ARIH2: variants seen among roughly 807,000 people sequenced by gnomAD.
The protein encoded by ARIH2 is E3 ubiquitin-protein ligase ARIH2.
In ARIH2, 12 loss-of-function variants were observed where a neutral mutation model predicts 79.8. That is an observed-to-expected ratio of 0.15 (90% CI 0.10 to 0.24). The LOEUF (loss-of-function observed/expected upper bound fraction) is 0.24. Among genes scored for constraint, ARIH2 ranks in the 10% least tolerant of loss-of-function variants. ARIH2 has a pLI of 1.00. For missense variants in ARIH2, 301 were observed against 618.3 expected (o/e 0.49, Z 5.44); for synonymous variants, 224 against 213.9 (o/e 1.05, Z -0.41).
At position 48,970,670 on chromosome 3, in the gene ARIH2, C is replaced by T; in HGVS notation, c.736C>T (p.Arg246Ter). The change falls in exon 8 of 16, where the codon CGA becomes TGA. Residue 246 changes from arginine (R) to a stop codon, truncating the protein, a stop_gained. Transcript: ENST00000356401. LOFTEE classifies it high-confidence loss of function. Reference sequence around the variant, plus strand: ...TCGGGTACAGGAGCCTAGAGCTCGCCGAGTACAGTGCAATCGGTGCAACGA... The same window carrying T: ...TCGGGTACAGGAGCCTAGAGCTCGCTGAGTACAGTGCAATCGGTGCAACGA... ...VIRVQEPRAR[R>*]VQCNRCNEVF... The T allele has an allele frequency of 1.9e-6, 3 of 1,613,990 alleles. No homozygotes were observed. The highest frequency in any genetic ancestry group is 2.5e-6 in the Non-Finnish European group (3 of 1,179,910).
At chr3:48,920,255 A>G (rs947294855) in intron 1 of ARIH2, among the ~76,000 whole-genome samples, 1 of 152,082 alleles carries the variant, frequency 6.6e-6, no homozygotes, top group Non-Finnish European at 1.5e-5. Context: ...TGCTGGGATT[A>G]CAGGCGTGAG....
chr3:48,972,127 G>A (rs2092273204), intron 8 of ARIH2, among the ~76,000 whole-genome samples: 1 of 152,180 alleles, frequency 6.6e-6, no homozygotes, highest in Admixed American at 6.5e-5. Flanking sequence ...CTGAGCTAAG[G>A]AGTCCTTCTC....
chr3:48,933,231 C>T (rs2086617947), intron 3 of ARIH2, among the ~76,000 whole-genome samples: 1 of 139,912 alleles, frequency 7.1e-6, no homozygotes, highest in African/African-American at 2.7e-5. Flanking sequence ...GCACCACATG[C>T]CCGGGTGTGT....
At chr3:48,952,334 T>G (rs1356117037) in intron 3 of ARIH2, among the ~76,000 whole-genome samples, 1 of 152,168 alleles carries the variant, frequency 6.6e-6, no homozygotes, top group Non-Finnish European at 1.5e-5. Flanking sequence ...AGGTGATGGG[T>G]CCTGAAGACT....
Position 48,927,711 on chromosome 3 carries a change from T to C in ARIH2, c.153T>C (p.Ala51=), listed in dbSNP as rs2085823607. ...CCAGCGATGTGGAGCAGCAGGGGGC[T>C]GATGCCTTTGATCCCGAGGAGTACC... ...GVASDVEQQG[A]DAFDPEEYQF... The change falls in exon 3 of 16, where the codon GCT becomes GCC. Residue 51 remains alanine, a synonymous_variant. Transcript: ENST00000356401. 2 of 1,614,222 alleles carry C rather than the reference T, an allele frequency of 1.2e-6. No homozygotes were observed. Among genetic ancestry groups the C allele is most frequent in the Non-Finnish European group, 1.7e-6 (2 of 1,180,042 alleles).
chr3:48,980,875 G>C (rs1291811077), intron 13 of ARIH2, among the ~76,000 whole-genome samples: 1 of 150,510 alleles, frequency 6.6e-6, no homozygotes, highest in African/African-American at 2.4e-5. Context: ...ACAAAAATTA[G>C]CTGGGCATGG....
intron 7 of ARIH2, among the ~76,000 whole-genome samples, chr3:48,970,176 G>A (rs2092118291): frequency 7.6e-6 from 1 of 131,884 alleles, no homozygotes; most frequent in South Asian, 2.9e-4. Context: ...ACAGGCATGA[G>A]CCACCGCGCC....
At chr3:48,979,002 A>G (rs1412885910) in intron 11 of ARIH2, among the ~76,000 whole-genome samples, 1 of 152,090 alleles carries the variant, frequency 6.6e-6, no homozygotes. Context: ...GTGTTTTTTA[A>G]AATAGAAGAA....
At chr3:48,970,730 AGCCCTGG>A in intron 8 of ARIH2, 26 bp downstream of exon 8, 1 of 1,565,306 alleles carries the variant, frequency 6.4e-7, no homozygotes, top group Non-Finnish European at 8.8e-7. Context: ...AGTGCTGAGC[AGCCCTGG>A]GCTCATGCCC....
In ARIH2 at chr3:48,940,316, G is replaced by T. The variant is rs1201541355; in HGVS notation, c.255+12503G>T. Among the ~76,000 whole-genome samples, 29 of 152,132 alleles carry T rather than the reference G, an allele frequency of 1.9e-4. 1 individual carries two copies. Among genetic ancestry groups the T allele is most frequent in the Admixed American group, 1.9e-3 (29 of 15,262 alleles). On this transcript the variant is annotated intron_variant, in intron 3 of 15. Transcript: ENST00000356401. Reference sequence around the variant, plus strand: ...ACCCGGGAGGTGGAGGTTGTGGTGAGCCCAGATTTTAAAAAAGATAGATAG... The same window carrying T: ...ACCCGGGAGGTGGAGGTTGTGGTGATCCCAGATTTTAAAAAAGATAGATAG...
intron 3 of ARIH2, chr3:48,949,195 G>A (rs2089629999): frequency 6.9e-6 from 3 of 437,206 alleles, no homozygotes; most frequent in Non-Finnish European, 1.4e-5. Context: ...TCGGCTCACT[G>A]CAAGCTCCAC....
chr3:48,960,656 C>T (rs1360841117), intron 3 of ARIH2, among the ~76,000 whole-genome samples: 3 of 151,184 alleles, frequency 2.0e-5, no homozygotes, highest in Non-Finnish European at 2.9e-5. Context: ...CCCAGCTACT[C>T]GGGAGGCTGA....
In ARIH2 at chr3:48,979,567, C is replaced by A. The variant is rs781636704; in HGVS notation, c.1047C>A (p.Ile349=). The A allele has an allele frequency of 6.2e-7, 1 of 1,614,096 alleles. No homozygotes were observed. Among genetic ancestry groups the A allele is most frequent in the Non-Finnish European group, 8.5e-7 (1 of 1,180,050 alleles). The stretch of plus-strand genomic sequence containing the variant: ...GTCGTTACAAGGAGAATCCTGACAT[C>A]GTGAACCAGAGCCAACAAGCCCAGG... ...ECSRYKENPD[I]VNQSQQAQAR... Residue 349 remains isoleucine (I), a synonymous_variant, in exon 12 of 16, where the codon ATC becomes ATA. Transcript: ENST00000356401.
Position 48,967,211 on chromosome 3 carries a change from C to T in ARIH2, c.474C>T (p.His158=). 1 of 1,614,216 alleles carries T rather than the reference C, an allele frequency of 6.2e-7. No homozygotes were observed. The highest frequency in any genetic ancestry group is 8.5e-7 in the Non-Finnish European group (1 of 1,180,044). The change falls in exon 6 of 16, where the codon CAC becomes CAT. Residue 158 remains histidine (H), a synonymous_variant. Transcript: ENST00000356401. ...KENLLSLACQ[H]QFCRSCWEQH... ...ACCTACTCTCTCTGGCCTGTCAGCACCAGTTTTGCCGCAGCTGCTGGGAGC... is the reference window on the plus strand; with the variant it reads ...ACCTACTCTCTCTGGCCTGTCAGCATCAGTTTTGCCGCAGCTGCTGGGAGC...
At chr3:48,945,280 T>C in intron 3 of ARIH2, 1 of 1,131,370 alleles carries the variant, frequency 8.8e-7, no homozygotes, top group Non-Finnish European at 1.2e-6. Flanking sequence ...AACTTGTCCT[T>C]GAGGGCTGGA....
chr3:48,965,868 G>A (rs1402110496), intron 5 of ARIH2, among the ~76,000 whole-genome samples: 1 of 152,080 alleles, frequency 6.6e-6, no homozygotes, highest in Non-Finnish European at 1.5e-5. Flanking sequence ...GGCTGAGGCA[G>A]GAGAACTGGT....
chr3:48,976,581 C>T (rs530068168), intron 11 of ARIH2, among the ~76,000 whole-genome samples: 1 of 152,248 alleles, frequency 6.6e-6, no homozygotes, highest in South Asian at 2.1e-4. Context: ...CAGTGCCAAA[C>T]GAAGATAGGC....
At chr3:48,939,561 T>C (rs1271200651) in intron 3 of ARIH2, among the ~76,000 whole-genome samples, 1 of 149,484 alleles carries the variant, frequency 6.7e-6, no homozygotes, top group South Asian at 2.1e-4. Context: ...ATAGAGACCA[T>C]CCCGGCTAAC....
At chr3:48,948,831 C>T (rs1476435003) in intron 3 of ARIH2, among the ~76,000 whole-genome samples, 1 of 152,184 alleles carries the variant, frequency 6.6e-6, no homozygotes, top group Non-Finnish European at 1.5e-5. Flanking sequence ...GGTTCTTTCT[C>T]TTAGCATAAT....
Sources: allele counts gnomAD v4.1 joint callset (sites outside exome capture counted in the v4.1 genomes callset), GRCh38; gene constraint gnomAD v4.1.1; transcripts MANE v1.5; gene names NCBI Gene and HGNC (gene_info 2026-07-23, HGNC 2026-07-21).